HTRA4: variants seen among roughly 807,000 people sequenced by gnomAD.
HTRA4 encodes serine protease HTRA4.
In HTRA4, 46 loss-of-function variants were observed where a neutral mutation model predicts 49.1. The observed-to-expected ratio is 0.94, with a 90% CI of 0.74 to 1.20. The LOEUF is 1.20. Ranked by LOEUF, HTRA4 falls within the 50% of genes most tolerant of loss-of-function variation. The pLI is 0.00. For missense variants in HTRA4, 602 were observed against 636.9 expected (o/e 0.95, Z 0.59); for synonymous variants, 261 against 264.0 (o/e 0.99, Z 0.11).
In HTRA4 at chr8:38,976,516, T is replaced by A. The variant is rs191150340; in HGVS notation, c.567-19T>A. ...TAACTTTCTTGCCCTCTGTTTACAC[T>A]ATTGTCTTGTGGAGACAGGTTACTT... On this transcript the variant is annotated intron_variant, in intron 2 of 8. Transcript: ENST00000302495. The A allele has an allele frequency of 3.2e-4, 515 of 1,612,736 alleles. No individual in the cohort carries two copies. In the African/African-American group the frequency reaches 5.5e-3, roughly 17 times the overall value.
Position 38,977,937 on chromosome 8 carries a change from T to C in HTRA4, c.772-16T>C, listed in dbSNP as rs4733960. On this transcript the variant is annotated splice_polypyrimidine_tract_variant and intron_variant, in intron 3 of 8. Transcript: ENST00000302495. ...TACCCTTTCTGTCCTCCCCATCCCT[T>C]TTTGGGCACGTGCAGGCTGAACTTC... 0.78 allele frequency: 1,252,927 copies of C among 1,611,272 alleles called. 489,212 individuals carry two copies. Among genetic ancestry groups the C allele is most frequent in the East Asian group, 0.95 (42,455 of 44,860 alleles).
At chr8:38,977,556 A>C (rs1835368532) in intron 3 of HTRA4, among the ~76,000 whole-genome samples, 1 of 152,188 alleles carries the variant, frequency 6.6e-6, no homozygotes, top group Admixed American at 6.5e-5. Context: ...CAGTGTGAGA[A>C]GTGTCACCCT....
At chr8:38,986,043 A>C (rs1835479491) in intron 8 of HTRA4, among the ~76,000 whole-genome samples, 1 of 152,118 alleles carries the variant, frequency 6.6e-6, no homozygotes, top group African/African-American at 2.4e-5. Context: ...GTGTGGTGGC[A>C]GGTGCCTGTA....
rs2129427648 is a variant in HTRA4, at chr8:38,982,648, C to T, written c.1172+93C>T. 2.6e-6 allele frequency: 3 copies of T among 1,165,114 alleles called. No homozygotes were observed. In the South Asian group the frequency reaches 3.7e-5, roughly 15 times the overall value. 72.2% of individuals were successfully genotyped at this position (1,165,114 alleles called of 1,614,324 possible). A position where few individuals can be genotyped will look rare whatever the true frequency, so the allele number is the denominator to read the frequency against. ...CAGAAAAGCTGAGCCACTTGGACCA[C>T]AGCCAGGTACTCTTGTGACCATAGG... On this transcript the variant is annotated intron_variant, in intron 7 of 8. Transcript: ENST00000302495.
intron 5 of HTRA4, among the ~76,000 whole-genome samples, chr8:38,981,448 C>T (rs1347905231): frequency 2.0e-5 from 3 of 152,040 alleles, no homozygotes; most frequent in Admixed American, 6.6e-5. Flanking sequence ...GTAACTTCTG[C>T]GCATGTGCAG....
chr8:38,976,967 CCT>C (rs1453994050), intron 3 of HTRA4, among the ~76,000 whole-genome samples: 2 of 150,872 alleles, frequency 1.3e-5, no homozygotes, highest in South Asian at 4.2e-4. Context: ...AAACAGTCTC[CCT>C]CTGTCACCCA....
chr8:38,981,239 C>G (rs1292870449), intron 5 of HTRA4, among the ~76,000 whole-genome samples: 2 of 150,376 alleles, frequency 1.3e-5, no homozygotes, highest in Non-Finnish European at 3.0e-5. Context: ...GCCACCAGGC[C>G]CGGCTAATTT....
At chr8:38,982,577 T>C (rs752612644) in intron 7 of HTRA4, 22 bp downstream of exon 7, 1 of 1,613,406 alleles carries the variant, frequency 6.2e-7, no homozygotes, top group South Asian at 1.1e-5. Flanking sequence ...TTTGAATATG[T>C]CTGGGTTGTT....
intron 7 of HTRA4, 73 bp downstream of exon 7, chr8:38,982,628 A>C: frequency 7.0e-7 from 1 of 1,434,962 alleles, no homozygotes; most frequent in African/African-American, 1.4e-5. Flanking sequence ...CTTAACAGAA[A>C]AGCTGAGCCA....
intron 4 of HTRA4, 76 bp downstream of exon 4, chr8:38,978,223 G>A (rs1425383063): frequency 2.3e-6 from 3 of 1,297,226 alleles, no homozygotes; most frequent in Non-Finnish European, 3.2e-6. Flanking sequence ...TAGGAACTGG[G>A]CCGCACAGCA....
At chr8:38,977,695 A>G (rs1371257300) in intron 3 of HTRA4, among the ~76,000 whole-genome samples, 1 of 152,174 alleles carries the variant, frequency 6.6e-6, no homozygotes, top group Non-Finnish European at 1.5e-5. Flanking sequence ...ACTAATAGTA[A>G]TTTCTACAAA....
At position 38,977,940 on chromosome 8, in the gene HTRA4, T is replaced by C; in HGVS notation, c.772-13T>C. The C allele has an allele frequency of 6.2e-7, 1 of 1,612,108 alleles. No homozygotes were observed. Among genetic ancestry groups the C allele is most frequent in the Non-Finnish European group, 8.5e-7 (1 of 1,179,498 alleles). ...CCTTTCTGTCCTCCCCATCCCTTTT[T>C]GGGCACGTGCAGGCTGAACTTCCTG... is the stretch of plus-strand genomic sequence containing the variant. On this transcript the variant is annotated splice_polypyrimidine_tract_variant and intron_variant, in intron 3 of 8. Coordinates refer to ENST00000302495, the MANE Select transcript of HTRA4 (RefSeq NM_153692.4).
At position 38,988,090 on chromosome 8, in the gene HTRA4, A is replaced by G. The variant is rs780246444; in HGVS notation, c.1423A>G (p.Ile475Val). 1.5e-5 allele frequency: 24 copies of G among 1,583,774 alleles called. 1 individual carries two copies. The South Asian group carries it at 2.7e-4, about 18-fold the overall frequency. ...NLLLTVIPET[I>V]N The stretch of plus-strand genomic sequence containing the variant: ...GCTCCTGACAGTCATACCTGAAACA[A>G]TCAATTAAATATCTTGTTTTAAAGT... Residue 475 changes from isoleucine to valine, a missense_variant, in exon 9 of 9, where the codon ATC becomes GTC. Transcript: ENST00000302495.
At chr8:38,985,640 T>C (rs898176424) in intron 8 of HTRA4, among the ~76,000 whole-genome samples, 1 of 152,198 alleles carries the variant, frequency 6.6e-6, no homozygotes, top group African/African-American at 2.4e-5. Flanking sequence ...CTCTGGACTT[T>C]TCTCATTCCT....
In HTRA4 at chr8:38,988,051, G is replaced by C. The variant is rs767001630; in HGVS notation, c.1384G>C (p.Gly462Arg). 6.2e-7 allele frequency: 1 copy of C among 1,610,696 alleles called. No homozygotes were observed. Among genetic ancestry groups the C allele is most frequent in the Non-Finnish European group, 8.5e-7 (1 of 1,178,998 alleles). ...SDSLSMAVLR[G>R]KDNLLLTVIP... ...TTCCCTTTCCATGGCTGTTCTTCGG[G>C]GAAAAGATAATTTGCTCCTGACAGT... Residue 462 changes from glycine to arginine, a missense_variant, in exon 9 of 9, where the codon GGA becomes CGA. By Grantham distance (125) the Gly-to-Arg change is moderately radical (BLOSUM62 -2). Transcript: ENST00000302495.
At chr8:38,977,914 C>T (rs759220028) in intron 3 of HTRA4, 39 bp from the exon 4 acceptor site, 7 of 1,593,266 alleles carry the variant, frequency 4.4e-6, no homozygotes, top group East Asian at 2.2e-5. Context: ...TTGTTCTTTA[C>T]CCTTTCTGTC....
rs1283524909 is a variant in HTRA4 at position 38,981,662 on chromosome 8, G to A, written c.1009G>A (p.Val337Met). 1.9e-6 allele frequency: 3 copies of A among 1,613,062 alleles called. No individual in the cohort carries two copies. The highest frequency in any genetic ancestry group is 2.5e-6 in the Non-Finnish European group (3 of 1,179,508). ...TCCCCTCCCTTGCCAGGATGGTGAT[G>A]TGATTGGCGTCAATTCATTGAGGGT... ...GGPLVNLDGD[V>M]IGVNSLRVTD... Residue 337 changes from valine (V) to methionine (M), a missense_variant, in exon 6 of 9, where the codon GTG (valine) becomes ATG (methionine). By Grantham distance (21) the Val-to-Met change is conservative. Transcript: ENST00000302495.
At chr8:38,975,242 T>G in intron 2 of HTRA4, 112 bp downstream of exon 2, 2 of 1,088,288 alleles carry the variant, frequency 1.8e-6, no homozygotes, top group Non-Finnish European at 2.8e-6. Context: ...GTGAGGAAAC[T>G]GAGACGTAAA....
chr8:38,987,932 TC>T lies in HTRA4; in HGVS notation c.1269-3del. On this transcript the variant is annotated splice_region_variant and splice_polypyrimidine_tract_variant and intron_variant, in intron 8 of 8. Transcript: ENST00000302495. ...TGATCCTCTTTTTTTTCTCCCTCTC[TC>T]AGCTCTGGATTGAGAGATCACGATG... 6.5e-7 allele frequency: 1 copy of T among 1,550,354 alleles called. No individual in the cohort carries two copies. The highest frequency in any genetic ancestry group is 8.7e-7 in the Non-Finnish European group (1 of 1,155,724).
Sources: gnomAD v4.1 joint callset for allele counts (sites outside exome capture counted in the v4.1 genomes callset) on GRCh38, gnomAD v4.1.1 for gene constraint, MANE v1.5 for transcripts, NCBI Gene and HGNC (gene_info 2026-07-23, HGNC 2026-07-21) for gene names.